DEPTOR: variants seen among roughly 807,000 people sequenced by gnomAD.
DEPTOR encodes the protein DEP domain containing MTOR interacting protein.
In DEPTOR, 41 loss-of-function variants were observed where a neutral mutation model predicts 41.6. The observed-to-expected ratio is 0.98, with a 90% CI of 0.77 to 1.28. The LOEUF (loss-of-function observed/expected upper bound fraction) is 1.28, where lower values mean the gene tolerates loss of function less well. DEPTOR is among the 50% of genes most tolerant of loss of function. The pLI is 0.00. For missense variants in DEPTOR, 514 were observed against 527.9 expected (o/e 0.97, Z 0.26); for synonymous variants, 195 against 192.3 (o/e 1.01, Z -0.12).
intron 1 of DEPTOR, among the ~76,000 whole-genome samples, chr8:119,899,677 C>CT (rs1240121216): frequency 6.6e-6 from 1 of 152,222 alleles, no homozygotes; most frequent in African/African-American, 2.4e-5. Context: ...TGAATCACTA[C>CT]ATAGCTCAGA....
intron 4 of DEPTOR, among the ~76,000 whole-genome samples, chr8:119,978,838 A>T (rs951883075): frequency 6.6e-6 from 1 of 152,146 alleles, no homozygotes; most frequent in Non-Finnish European, 1.5e-5. Context: ...GCCGCTCACT[A>T]TAATTCAGTT....
chr8:120,009,528 G>T (rs968961222), intron 8 of DEPTOR, among the ~76,000 whole-genome samples: 1 of 152,052 alleles, frequency 6.6e-6, no homozygotes, highest in Non-Finnish European at 1.5e-5. Context: ...CAGGAGAATC[G>T]CTTGAACCCA....
intron 8 of DEPTOR, among the ~76,000 whole-genome samples, chr8:120,026,001 T>TC (rs1438028508): frequency 6.6e-6 from 1 of 151,550 alleles, no homozygotes; most frequent in South Asian, 2.1e-4. Flanking sequence ...TTTTTTTTTT[T>TC]CTGAGACCGA....
intron 3 of DEPTOR, among the ~76,000 whole-genome samples, chr8:119,947,448 C>G (rs1385069192): frequency 6.6e-6 from 1 of 152,194 alleles, no homozygotes; most frequent in African/African-American, 2.4e-5. Flanking sequence ...TGCCTGCACA[C>G]CAGTGGCTCC....
At chr8:120,033,678 C>T (rs1812930527) in intron 8 of DEPTOR, among the ~76,000 whole-genome samples, 1 of 152,336 alleles carries the variant, frequency 6.6e-6, no homozygotes, top group Admixed American at 6.5e-5. Flanking sequence ...ATAGATTTCT[C>T]TGACTGGTGT....
chr8:119,961,660 A>G (rs1828494473), intron 3 of DEPTOR, among the ~76,000 whole-genome samples: 1 of 152,144 alleles, frequency 6.6e-6, no homozygotes, highest in South Asian at 2.1e-4. Context: ...TTTCCTTCCC[A>G]CCACACTGAA....
At chr8:119,912,823 G>A (rs7011167) in intron 1 of DEPTOR, among the ~76,000 whole-genome samples, 33,412 of 152,156 alleles carry the variant, frequency 0.22, 4,240 homozygotes, top group African/African-American at 0.34. Flanking sequence ...AACACAGTTG[G>A]TTCTATTTTG....
chr8:119,888,812 T>G (rs1372453537), intron 1 of DEPTOR, among the ~76,000 whole-genome samples: 1 of 132,538 alleles, frequency 7.5e-6, no homozygotes, highest in African/African-American at 3.0e-5. Flanking sequence ...GCAGAGATTA[T>G]GCCATTGCAC....
In DEPTOR at chr8:119,889,245, G is replaced by T. The variant is rs568083557; in HGVS notation, c.122+15277G>T. Among the ~76,000 whole-genome samples the T allele has an allele frequency of 7.4e-3, 1,124 of 151,890 alleles. 9 individuals are homozygous for T. Among genetic ancestry groups the T allele is most frequent in the African/African-American group, 0.025 (1,027 of 41,440 alleles). On this transcript the variant is annotated intron_variant, in intron 1 of 8. Transcript: ENST00000286234. ...GCTTCTAACACAAGGGAAGATAACT[G>T]TCTTAGAAACTTCCACAGAAGCTGG...
intron 1 of DEPTOR, among the ~76,000 whole-genome samples, chr8:119,888,753 G>A (rs932097898): frequency 6.6e-6 from 1 of 151,258 alleles, no homozygotes. Flanking sequence ...CTACTCAGGA[G>A]GCTGAGGCAG....
rs573762076 is a variant in DEPTOR, at chr8:119,921,197, G to A, written c.123-7203G>A. Reference sequence around the variant, plus strand: ...TCACCATATTGGCCAGGTTGGTCTCGAACTCCTGACCTCGGGCAATCCACC... The same window carrying A: ...TCACCATATTGGCCAGGTTGGTCTCAAACTCCTGACCTCGGGCAATCCACC... On this transcript the variant is annotated intron_variant, in intron 1 of 8. Transcript: ENST00000286234. 3.3e-5 allele frequency among the ~76,000 whole-genome samples: 5 copies of A among 152,164 alleles called. No homozygotes were observed. The East Asian group carries it at 7.7e-4, about 24-fold the overall frequency.
At chr8:119,944,148 C>T (rs995898055) in intron 3 of DEPTOR, among the ~76,000 whole-genome samples, 6 of 152,102 alleles carry the variant, frequency 3.9e-5, no homozygotes, top group Non-Finnish European at 7.4e-5. Context: ...CCTAAATTGT[C>T]TTTTTTATTA....
chr8:119,873,803 T>A lies in DEPTOR; in HGVS notation c.-44T>A. 1 of 1,605,240 alleles carries A rather than the reference T, an allele frequency of 6.2e-7. No individual in the cohort carries two copies. Among genetic ancestry groups the A allele is most frequent in the Non-Finnish European group, 8.5e-7 (1 of 1,175,850 alleles). On this transcript the variant is annotated 5_prime_UTR_variant, in exon 1 of 9. Coordinates refer to ENST00000286234, the MANE Select transcript of DEPTOR (RefSeq NM_022783.4). ...CAGACTGATCCGAGCACCCAAACCC[T>A]CGGCGGACAGCGGAGCCAGTGGTAG...
intron 3 of DEPTOR, among the ~76,000 whole-genome samples, chr8:119,931,255 G>A (rs1828040217): frequency 6.6e-6 from 1 of 152,028 alleles, no homozygotes; most frequent in Admixed American, 6.6e-5. Context: ...AAAAGAGCCT[G>A]TTGTACAGTG....
intron 1 of DEPTOR, among the ~76,000 whole-genome samples, chr8:119,877,125 C>T (rs537812236): frequency 2.6e-5 from 4 of 152,236 alleles, no homozygotes; most frequent in South Asian, 2.1e-4. Flanking sequence ...TCCTCTTCTA[C>T]GAAATGTTAT....
chr8:119,884,458 A>G (rs988033602), intron 1 of DEPTOR, among the ~76,000 whole-genome samples: 2 of 152,240 alleles, frequency 1.3e-5, no homozygotes, highest in African/African-American at 4.8e-5. Flanking sequence ...AAAGCAAAGA[A>G]GACAGTGTAG....
At chr8:120,034,703 G>A (rs960018915) in intron 8 of DEPTOR, among the ~76,000 whole-genome samples, 5 of 151,940 alleles carry the variant, frequency 3.3e-5, no homozygotes, top group Non-Finnish European at 7.4e-5. Context: ...ACCCACCTCA[G>A]CCTCCCAAAG....
At chr8:119,990,468 G>C (rs989323788) in intron 4 of DEPTOR, among the ~76,000 whole-genome samples, 1 of 152,160 alleles carries the variant, frequency 6.6e-6, no homozygotes, top group Non-Finnish European at 1.5e-5. Flanking sequence ...CCCAGCTATC[G>C]TTTAATGATA....
chr8:119,931,958 G>GATTATT (rs58758138), intron 3 of DEPTOR, among the ~76,000 whole-genome samples: 4,083 of 142,640 alleles, frequency 0.029, 65 homozygotes, highest in African/African-American at 0.03. Flanking sequence ...AATTAAAAAA[G>GATTATT]ATTATTATTA....
Sources: gnomAD v4.1 joint callset for allele counts (sites outside exome capture counted in the v4.1 genomes callset) on GRCh38, gnomAD v4.1.1 for gene constraint, MANE v1.5 for transcripts, NCBI Gene and HGNC (gene_info 2026-07-23, HGNC 2026-07-21) for gene names.